The following CCDC68 variants were observed in gnomAD, a reference collection of about 807,000 sequenced individuals.
CCDC68 encodes the protein coiled-coil domain-containing protein 68.
Under a neutral mutation model 47.1 loss-of-function variants are expected in CCDC68, and 45 were observed. The observed-to-expected ratio is 0.96, with a 90% confidence interval of 0.75 to 1.23. CCDC68 has a LOEUF of 1.23. Ranked by LOEUF, CCDC68 falls within the 50% of genes most tolerant of loss-of-function variation. The pLI is 0.00. For missense variants in CCDC68, 353 were observed against 373.6 expected (o/e 0.94, Z 0.45); for synonymous variants, 131 against 129.5 (o/e 1.01, Z -0.08).
intron 6 of CCDC68, among the ~76,000 whole-genome samples, chr18:54,935,534 C>T (rs2044329209): frequency 6.6e-6 from 1 of 152,182 alleles, no homozygotes; most frequent in African/African-American, 2.4e-5. Context: ...AAGTGTCTGG[C>T]TTCCCTTGTA....
chr18:54,904,889 A>G (rs1317427048), intron 11 of CCDC68, among the ~76,000 whole-genome samples: 1 of 152,182 alleles, frequency 6.6e-6, no homozygotes, highest in Non-Finnish European at 1.5e-5. Context: ...ATATGTATGC[A>G]TGCACACACA....
chr18:54,932,898 T>G (rs920380445), intron 7 of CCDC68, among the ~76,000 whole-genome samples: 3 of 152,200 alleles, frequency 2.0e-5, no homozygotes, highest in Non-Finnish European at 4.4e-5. Flanking sequence ...CATTGTCATC[T>G]CCACAAAAAG....
rs552005304 is a variant in CCDC68 at position 54,917,827 on chromosome 18, C to A, written c.873+86G>T. The stretch of plus-strand genomic sequence containing the variant: ...TACACAGGCTCACTGATACTGATAC[C>A]CTCACGTGCACAGACACACACACAC... On this transcript the variant is annotated intron_variant, in intron 10 of 11. Coordinates refer to ENST00000591504, the MANE Select transcript of CCDC68 (RefSeq NM_025214.3). 7.6e-5 allele frequency: 56 copies of A among 739,234 alleles called. No individual in the cohort carries two copies. In the African/African-American group the frequency reaches 1.1e-3, roughly 15 times the overall value. The allele number at this position is 739,234 out of a possible 1,614,324, so 45.8% of individuals were successfully genotyped here.
chr18:54,926,763 T>A (rs2044152325), intron 8 of CCDC68, among the ~76,000 whole-genome samples: 1 of 152,230 alleles, frequency 6.6e-6, no homozygotes, highest in Non-Finnish European at 1.5e-5. Context: ...AATGAGCTAA[T>A]GCTTTGCTAT....
chr18:54,958,308 G>A (rs1220440526), intron 1 of CCDC68, among the ~76,000 whole-genome samples: 1 of 152,126 alleles, frequency 6.6e-6, no homozygotes. Context: ...GGCAGCGGGG[G>A]AAAAGCATAA....
rs550373977 is a variant in CCDC68, at chr18:54,929,091, C to T, written c.601-209G>A. On this transcript the variant is annotated intron_variant, in intron 7 of 11. Coordinates refer to ENST00000591504, the MANE Select transcript of CCDC68 (RefSeq NM_025214.3). ...GGCCAAAAATAGTTGTCTTCACTCT[C>T]TCACCTGCCTGGAGGACTTCTTCTG... Among the ~76,000 whole-genome samples, 11 of 152,320 alleles carry T rather than the reference C, an allele frequency of 7.2e-5. No individual in the cohort carries two copies. In the South Asian group the frequency reaches 2.3e-3, roughly 32 times the overall value.
intron 10 of CCDC68, among the ~76,000 whole-genome samples, chr18:54,913,194 A>G: frequency 6.6e-6 from 1 of 152,240 alleles, no homozygotes; most frequent in Non-Finnish European, 1.5e-5. Context: ...AATGTAGTCA[A>G]CATTAGCTCT....
intron 2 of CCDC68, among the ~76,000 whole-genome samples, chr18:54,944,422 A>C (rs1367763747): frequency 6.6e-6 from 1 of 152,206 alleles, no homozygotes; most frequent in Non-Finnish European, 1.5e-5. Context: ...CATATCAGCA[A>C]GCAAAAAAGT....
chr18:54,933,496 T>C (rs1599065454), intron 7 of CCDC68, among the ~76,000 whole-genome samples: 1 of 152,242 alleles, frequency 6.6e-6, no homozygotes, highest in African/African-American at 2.4e-5. Context: ...GTTAATCAAG[T>C]TGTTTGGTTA....
intron 7 of CCDC68, among the ~76,000 whole-genome samples, chr18:54,929,308 G>A (rs1225156565): frequency 6.6e-6 from 1 of 152,092 alleles, no homozygotes; most frequent in South Asian, 2.1e-4. Flanking sequence ...CATACTACTT[G>A]GCATCTGTCA....
At chr18:54,950,548 C>T (rs2044595794) in intron 1 of CCDC68, among the ~76,000 whole-genome samples, 1 of 152,056 alleles carries the variant, frequency 6.6e-6, no homozygotes, top group Admixed American at 6.6e-5. Flanking sequence ...TTTTGCTAAG[C>T]AGAATTAATT....
intron 6 of CCDC68, among the ~76,000 whole-genome samples, chr18:54,935,153 T>C (rs2044322995): frequency 6.6e-6 from 1 of 152,226 alleles, no homozygotes; most frequent in African/African-American, 2.4e-5. Context: ...AATGTATAAA[T>C]ATTCTTCCTA....
chr18:54,923,334 C>T (rs1251628876), intron 8 of CCDC68, among the ~76,000 whole-genome samples: 1 of 151,918 alleles, frequency 6.6e-6, no homozygotes, highest in Non-Finnish European at 1.5e-5. Context: ...AAAAAGATGG[C>T]TTTAGGCACA....
chr18:54,923,938 A>G (rs1486243378), intron 8 of CCDC68, among the ~76,000 whole-genome samples: 1 of 151,982 alleles, frequency 6.6e-6, no homozygotes, highest in African/African-American at 2.4e-5. Flanking sequence ...ACCTCAAGTG[A>G]TCTGCCCACC....
chr18:54,911,902 T>C (rs1346231093), intron 10 of CCDC68, among the ~76,000 whole-genome samples: 1 of 152,216 alleles, frequency 6.6e-6, no homozygotes, highest in Non-Finnish European at 1.5e-5. Flanking sequence ...ATTTGTTTCA[T>C]CTACCAGATT....
chr18:54,927,399 T>C (rs891154744), intron 8 of CCDC68, among the ~76,000 whole-genome samples: 1 of 152,110 alleles, frequency 6.6e-6, no homozygotes, highest in African/African-American at 2.4e-5. Flanking sequence ...AACAGGTATA[T>C]TGTTGGCTCA....
At chr18:54,930,965 G>A (rs1017942548) in intron 7 of CCDC68, among the ~76,000 whole-genome samples, 8 of 151,598 alleles carry the variant, frequency 5.3e-5, no homozygotes, top group East Asian at 2.0e-4. Flanking sequence ...TGATCCACCC[G>A]CCTTGGCCTC....
intron 7 of CCDC68, among the ~76,000 whole-genome samples, chr18:54,932,471 G>A (rs147456411): frequency 5.3e-5 from 8 of 152,164 alleles, no homozygotes; most frequent in Non-Finnish European, 8.8e-5. Flanking sequence ...AATTACAGGC[G>A]TGAGCCACCA....
intron 2 of CCDC68, chr18:54,943,031 G>T (rs2044464565): frequency 6.3e-6 from 2 of 316,194 alleles, no homozygotes; most frequent in Admixed American, 5.1e-5. Context: ...AATCTAAAAA[G>T]GTAAAATCTG....
Sources: gnomAD v4.1 joint callset for allele counts (sites outside exome capture counted in the v4.1 genomes callset) on GRCh38, gnomAD v4.1.1 for gene constraint, MANE v1.5 for transcripts, NCBI Gene and HGNC (gene_info 2026-07-23, HGNC 2026-07-21) for gene names.